Variants in SGCZ observed in about 807,000 individuals in gnomAD.
SGCZ encodes the protein zeta-sarcoglycan.
SGCZ carries 40 observed loss-of-function variants against 41.3 expected under a neutral mutation model. The observed-to-expected ratio is 0.97, with a 90% CI of 0.75 to 1.26. The LOEUF (loss-of-function observed/expected upper bound fraction) is 1.26. Among genes scored for constraint, SGCZ ranks in the 50% most tolerant of loss-of-function variants. The pLI, the probability that SGCZ is intolerant of heterozygous loss-of-function variation, is 0.00. For missense variants in SGCZ, 552 were observed against 369.8 expected (o/e 1.49, Z -4.04); for synonymous variants, 206 against 137.5 (o/e 1.50, Z -3.49).
intron 2 of SGCZ, among the ~76,000 whole-genome samples, chr8:14,463,595 A>C (rs1220526232): frequency 6.6e-6 from 1 of 151,672 alleles, no homozygotes; most frequent in African/African-American, 2.4e-5. Flanking sequence ...TGATTTCTTG[A>C]ATATGATACT....
intron 2 of SGCZ, among the ~76,000 whole-genome samples, chr8:14,499,153 G>T (rs374552928): frequency 6.6e-6 from 1 of 151,742 alleles, no homozygotes; most frequent in Non-Finnish European, 1.5e-5. Context: ...CTAAGAATTT[G>T]TGTGAAAAAT....
chr8:14,851,166 G>A (rs556128503), intron 1 of SGCZ, among the ~76,000 whole-genome samples: 77 of 152,014 alleles, frequency 5.1e-4, no homozygotes, highest in Admixed American at 7.9e-4. Flanking sequence ...TCAGGAGATC[G>A]AGGCCATCCT....
At chr8:14,214,118 C>T (rs1433181660) in intron 4 of SGCZ, among the ~76,000 whole-genome samples, 1 of 152,096 alleles carries the variant, frequency 6.6e-6, no homozygotes, top group African/African-American at 2.4e-5. Flanking sequence ...ATGTTGATTG[C>T]ATGTGCCCTT....
At chr8:14,185,426 A>T (rs984204168) in intron 4 of SGCZ, among the ~76,000 whole-genome samples, 2 of 152,072 alleles carry the variant, frequency 1.3e-5, no homozygotes, top group East Asian at 1.9e-4. Flanking sequence ...AAATAAAATA[A>T]AAAAACAAAA....
intron 2 of SGCZ, among the ~76,000 whole-genome samples, chr8:14,440,233 A>G (rs188815027): frequency 6.6e-6 from 1 of 152,178 alleles, no homozygotes; most frequent in East Asian, 1.9e-4. Flanking sequence ...TTTTCTATCA[A>G]AAGATATAAA....
intron 5 of SGCZ, among the ~76,000 whole-genome samples, chr8:14,137,637 G>T (rs1000832760): frequency 6.6e-6 from 1 of 152,120 alleles, no homozygotes. Context: ...GAAAAAAAGA[G>T]TAAAAAGAAA....
chr8:14,456,584 C>G (rs1038581587), intron 2 of SGCZ, among the ~76,000 whole-genome samples: 1 of 151,668 alleles, frequency 6.6e-6, no homozygotes, highest in Non-Finnish European at 1.5e-5. Context: ...CAGACTTTAA[C>G]GAGATTGGTT....
At chr8:15,102,575 G>A (rs1179886768) in intron 1 of SGCZ, among the ~76,000 whole-genome samples, 2 of 152,130 alleles carry the variant, frequency 1.3e-5, no homozygotes, top group South Asian at 2.1e-4. Flanking sequence ...AGCATACCAC[G>A]CTAATGCATG....
At chr8:14,281,158 T>C (rs1800419969) in intron 3 of SGCZ, among the ~76,000 whole-genome samples, 3 of 151,938 alleles carry the variant, frequency 2.0e-5, no homozygotes, top group African/African-American at 4.8e-5. Context: ...AATGAATGAA[T>C]TCAAGATACT....
intron 2 of SGCZ, among the ~76,000 whole-genome samples, chr8:14,396,692 G>A (rs1004407297): frequency 6.6e-6 from 1 of 151,662 alleles, no homozygotes; most frequent in Non-Finnish European, 1.5e-5. Context: ...ATTCTTCAGG[G>A]GTTTTCTGAG....
chr8:14,352,797 G>A (rs1011844020), intron 2 of SGCZ, among the ~76,000 whole-genome samples: 1 of 151,972 alleles, frequency 6.6e-6, no homozygotes, highest in Non-Finnish European at 1.5e-5. Context: ...GTCCTATCCA[G>A]GTTCCTCCCT....
At chr8:14,845,121 G>A (rs1803054471) in intron 1 of SGCZ, among the ~76,000 whole-genome samples, 1 of 152,058 alleles carries the variant, frequency 6.6e-6, no homozygotes, top group Non-Finnish European at 1.5e-5. Context: ...TGAAGGACAG[G>A]GAAAGAACAC....
At chr8:15,136,371 C>G (rs759689581) in intron 1 of SGCZ, among the ~76,000 whole-genome samples, 9 of 151,906 alleles carry the variant, frequency 5.9e-5, no homozygotes, top group Non-Finnish European at 8.8e-5. Flanking sequence ...ATCTGAATAG[C>G]AGGTGTCACT....
chr8:14,216,807 GA>G (rs1806008511), intron 4 of SGCZ, among the ~76,000 whole-genome samples: 1 of 152,084 alleles, frequency 6.6e-6, no homozygotes, highest in Non-Finnish European at 1.5e-5. Context: ...TCAGTAACAA[GA>G]AAAGCATGTT....
chr8:14,909,290 C>T (rs1799211337), intron 1 of SGCZ, among the ~76,000 whole-genome samples: 1 of 152,116 alleles, frequency 6.6e-6, no homozygotes, highest in Non-Finnish European at 1.5e-5. Context: ...CCTCTAAATC[C>T]AGTTGTCTAC....
intron 2 of SGCZ, among the ~76,000 whole-genome samples, chr8:14,417,875 G>C (rs1291778132): frequency 6.6e-6 from 1 of 151,786 alleles, no homozygotes; most frequent in East Asian, 1.9e-4. Context: ...TCTCAATAAA[G>C]TTGGGAGAAA....
At chr8:15,132,189 C>T (rs1273679833) in intron 1 of SGCZ, among the ~76,000 whole-genome samples, 1 of 152,050 alleles carries the variant, frequency 6.6e-6, no homozygotes, top group Admixed American at 6.6e-5. Flanking sequence ...TTAGCAAGAA[C>T]CACACACAAT....
At chr8:14,652,358 G>GGT (rs1413358291) in intron 1 of SGCZ, among the ~76,000 whole-genome samples, 1 of 23,462 alleles carries the variant, frequency 4.3e-5, no homozygotes, top group African/African-American at 6.9e-5. Flanking sequence ...GGGGGGGTGT[G>GGT]GGGGGGAGAA....
At chr8:14,933,431 C>CTTTTTTTTTTT (rs11443740) in intron 1 of SGCZ, among the ~76,000 whole-genome samples, 13 of 120,420 alleles carry the variant, frequency 1.1e-4, no homozygotes, top group Non-Finnish European at 1.8e-4. Flanking sequence ...CTTTTTTTTT[C>CTTTTTTTTTTT]TTTTTTTTTT....
Sources: gnomAD v4.1 joint callset for allele counts (sites outside exome capture counted in the v4.1 genomes callset) on GRCh38, gnomAD v4.1.1 for gene constraint, MANE v1.5 for transcripts, NCBI Gene and HGNC (gene_info 2026-07-23, HGNC 2026-07-21) for gene names.